Variants in CENPP observed in about 807,000 individuals in gnomAD.
CENPP encodes the protein centromere protein P.
Under a neutral mutation model 35.6 loss-of-function variants are expected in CENPP, and 24 were observed. The ratio of observed to expected loss-of-function variants is 0.67; its 90% CI spans 0.49 to 0.95. The LOEUF is 0.95. Among genes scored for constraint, CENPP ranks in the 40% least tolerant of loss-of-function variants. The pLI is 0.00. For synonymous variants in CENPP, 120 were observed against 125.5 expected, an observed-to-expected ratio of 0.96 and a Z score of 0.29; for missense variants, 332 against 345.3, an observed-to-expected ratio of 0.96 and a Z score of 0.31.
At chr9:92,589,759 C>T (rs1850625544) in intron 5 of CENPP, among the ~76,000 whole-genome samples, 1 of 152,106 alleles carries the variant, frequency 6.6e-6, no homozygotes, top group Non-Finnish European at 1.5e-5. Context: ...TTATTTAGAG[C>T]TCTTTTATTT....
At chr9:92,475,284 C>T (rs1183745573) in intron 5 of CENPP, among the ~76,000 whole-genome samples, 1 of 151,942 alleles carries the variant, frequency 6.6e-6, no homozygotes, top group Non-Finnish European at 1.5e-5. Flanking sequence ...TATTTTGGAA[C>T]CCACAAAATG....
chr9:92,410,868 T>C (rs1414358363), intron 5 of CENPP, among the ~76,000 whole-genome samples: 1 of 152,216 alleles, frequency 6.6e-6, no homozygotes, highest in African/African-American at 2.4e-5. Context: ...AAACCATCTT[T>C]TTTAAAAAAC....
chr9:92,378,251 G>C (rs893254393), intron 4 of CENPP, among the ~76,000 whole-genome samples: 2 of 152,146 alleles, frequency 1.3e-5, no homozygotes, highest in African/African-American at 4.8e-5. Context: ...GCCTGATTAG[G>C]AGTGAAAGGG....
chr9:92,354,445 T>A (rs996048123), intron 4 of CENPP, among the ~76,000 whole-genome samples: 1 of 152,194 alleles, frequency 6.6e-6, no homozygotes, highest in Non-Finnish European at 1.5e-5. Context: ...ACTTTGTTCA[T>A]GGGCCCATTG....
intron 5 of CENPP, among the ~76,000 whole-genome samples, chr9:92,607,110 G>A (rs934508849): frequency 6.6e-6 from 1 of 152,206 alleles, no homozygotes; most frequent in African/African-American, 2.4e-5. Flanking sequence ...GAAATGTCTT[G>A]AATAGAGAAG....
intron 5 of CENPP, among the ~76,000 whole-genome samples, chr9:92,532,029 A>ATTT (rs201461115): frequency 3.3e-5 from 3 of 91,044 alleles, no homozygotes; most frequent in Admixed American, 1.1e-4. Flanking sequence ...TTTTTTTTTT[A>ATTT]TTTTATTTTT....
chr9:92,601,324 A>G (rs1347660846), intron 5 of CENPP, among the ~76,000 whole-genome samples: 1 of 152,064 alleles, frequency 6.6e-6, no homozygotes, highest in Non-Finnish European at 1.5e-5. Flanking sequence ...TAGCCTGGGG[A>G]TTTCTGTTAA....
intron 5 of CENPP, chr9:92,415,174 T>C: frequency 1.9e-6 from 3 of 1,607,680 alleles, no homozygotes; most frequent in Non-Finnish European, 2.5e-6. Context: ...TTCATAATAA[T>C]GAAGGTCAAA....
At chr9:92,339,518 T>C (rs910075408) in intron 3 of CENPP, 2 of 152,228 alleles carry the variant, frequency 1.3e-5, no homozygotes, top group African/African-American at 4.8e-5. Context: ...TCCCAGCCTG[T>C]ACTCGTCTTA....
chr9:92,325,483 C>G (rs1840399390), upstream of CENPP: 1 of 153,108 alleles, frequency 6.5e-6, no homozygotes, highest in South Asian at 1.9e-4. Flanking sequence ...CCTTCCCTGA[C>G]GCCTCCGTCA....
At chr9:92,425,136 C>T (rs2516567) in intron 5 of CENPP, among the ~76,000 whole-genome samples, 67,521 of 152,088 alleles carry the variant, frequency 0.44, 17,253 homozygotes, top group African/African-American at 0.7. Context: ...ATTAACTATA[C>T]GACTTTTCTA....
At chr9:92,377,858 AT>A (rs1033405954) in intron 4 of CENPP, among the ~76,000 whole-genome samples, 1 of 151,810 alleles carries the variant, frequency 6.6e-6, no homozygotes, top group African/African-American at 2.4e-5. Flanking sequence ...AGTTCTCAGT[AT>A]TTTTTTTCTG....
intron 4 of CENPP, among the ~76,000 whole-genome samples, chr9:92,377,896 G>A (rs1842159685): frequency 6.9e-6 from 1 of 145,856 alleles, no homozygotes; most frequent in Admixed American, 6.8e-5. Context: ...TTTTATGTAG[G>A]GGTTATTTAG....
In CENPP at chr9:92,613,926, C is replaced by T. The variant is rs1282805620; in HGVS notation, c.*777C>T. The stretch of plus-strand genomic sequence containing the variant: ...CGTGTTGTCTCAAACCAGTCAGGGC[C>T]GTCATGACTACGCAGCAGCAGCAGT... On this transcript the variant is annotated 3_prime_UTR_variant, in exon 8 of 8. Coordinates refer to ENST00000375587, the MANE Select transcript of CENPP (RefSeq NM_001012267.3). 2 of 152,164 alleles carry T rather than the reference C, an allele frequency of 1.3e-5. No individual in the cohort carries two copies. The highest frequency in any genetic ancestry group is 6.5e-5 in the Admixed American group (1 of 15,280). 9.4% of individuals were successfully genotyped at this position (152,164 alleles called of 1,614,324 possible). A position where few individuals can be genotyped will look rare whatever the true frequency, so the allele number is the denominator to read the frequency against.
chr9:92,452,632 T>C (rs1844746664), intron 5 of CENPP, among the ~76,000 whole-genome samples: 1 of 152,142 alleles, frequency 6.6e-6, no homozygotes, highest in African/African-American at 2.4e-5. Flanking sequence ...TTAGGGAGGA[T>C]TCCCTCTTTT....
intron 5 of CENPP, chr9:92,403,496 T>A: frequency 1.3e-6 from 2 of 1,493,670 alleles, no homozygotes; most frequent in Non-Finnish European, 1.8e-6. Flanking sequence ...GAAATAAAAA[T>A]TCAGACCATC....
At chr9:92,594,892 C>CTTTTTTTT (rs1213825480) in intron 5 of CENPP, among the ~76,000 whole-genome samples, 2 of 105,106 alleles carry the variant, frequency 1.9e-5, no homozygotes, top group East Asian at 2.9e-4. Flanking sequence ...GGTTGCTCTT[C>CTTTTTTTT]TTTTTTTTTT....
At chr9:92,550,932 C>G (rs985878932) in intron 5 of CENPP, among the ~76,000 whole-genome samples, 8 of 152,150 alleles carry the variant, frequency 5.3e-5, no homozygotes, top group Admixed American at 1.3e-4. Flanking sequence ...GGCTCTTTCC[C>G]CAGCTCCATA....
intron 5 of CENPP, among the ~76,000 whole-genome samples, chr9:92,521,307 T>G (rs1254400835): frequency 6.6e-6 from 1 of 152,232 alleles, no homozygotes; most frequent in Admixed American, 6.5e-5. Context: ...TTATTATAGC[T>G]TAGCCATCTT....
Sources: allele counts gnomAD v4.1 joint callset (sites outside exome capture counted in the v4.1 genomes callset), GRCh38; gene constraint gnomAD v4.1.1; transcripts MANE v1.5; gene names NCBI Gene and HGNC (gene_info 2026-07-23, HGNC 2026-07-21).